Variants in MAP3K20 observed in about 807,000 individuals in gnomAD.
MAP3K20 encodes the protein mitogen-activated protein kinase kinase kinase 20.
Under a neutral mutation model 85.7 loss-of-function variants are expected in MAP3K20, and 40 were observed. The ratio of observed to expected loss-of-function variants is 0.47; its 90% CI spans 0.36 to 0.61. The LOEUF is 0.61. Among genes scored for constraint, MAP3K20 ranks in the 20% least tolerant of loss-of-function variants. The pLI, the probability that MAP3K20 is intolerant of heterozygous loss-of-function variation, is 0.00. For missense variants in MAP3K20, 817 were observed against 961.7 expected (o/e 0.85, Z 1.99); for synonymous variants, 325 against 327.7 (o/e 0.99, Z 0.09).
At chr2:173,141,439 G>A (rs1456502347) in intron 2 of MAP3K20, among the ~76,000 whole-genome samples, 1 of 152,154 alleles carries the variant, frequency 6.6e-6, no homozygotes. Context: ...AATGTAAATT[G>A]TACTGATGGG....
At position 173,190,932 on chromosome 2, in the gene MAP3K20, A is replaced by C. The variant is rs765991445; in HGVS notation, c.444+9A>C. On this transcript the variant is annotated intron_variant, in intron 6 of 19. Transcript: ENST00000375213. Reference sequence around the variant, plus strand: ...CTGATGGAGTATTGAAGGTAGGACTATTTCTTTTACTTAAAAAAATTGTTA... The same window carrying C: ...CTGATGGAGTATTGAAGGTAGGACTCTTTCTTTTACTTAAAAAAATTGTTA... 1 of 1,604,350 alleles carries C rather than the reference A, an allele frequency of 6.2e-7. No homozygotes were observed. The highest frequency in any genetic ancestry group is 1.1e-5 in the South Asian group (1 of 89,508).
At chr2:173,187,861 T>C (rs1439155345) in intron 5 of MAP3K20, among the ~76,000 whole-genome samples, 1 of 152,220 alleles carries the variant, frequency 6.6e-6, no homozygotes, top group African/African-American at 2.4e-5. Flanking sequence ...ATTGTTTACA[T>C]TTTTTCTCTG....
chr2:173,154,274 C>T (rs1399172081), intron 2 of MAP3K20, among the ~76,000 whole-genome samples: 1 of 152,162 alleles, frequency 6.6e-6, no homozygotes, highest in East Asian at 1.9e-4. Flanking sequence ...ACCTCTGCCT[C>T]CCAGGTTCAA....
intron 16 of MAP3K20, among the ~76,000 whole-genome samples, chr2:173,257,975 A>C (rs769603369): frequency 3.9e-5 from 6 of 152,200 alleles, no homozygotes; most frequent in Non-Finnish European, 7.3e-5. Flanking sequence ...TCGTTTAAAA[A>C]TCTAGAGTTT....
chr2:173,126,403 A>G (rs530262214), intron 2 of MAP3K20, among the ~76,000 whole-genome samples: 2 of 152,046 alleles, frequency 1.3e-5, no homozygotes, highest in African/African-American at 2.4e-5. Flanking sequence ...TTTTTGAGAC[A>G]GAGTCTCACT....
intron 2 of MAP3K20, among the ~76,000 whole-genome samples, chr2:173,098,111 C>T (rs1332205024): frequency 6.6e-6 from 1 of 152,188 alleles, no homozygotes; most frequent in African/African-American, 2.4e-5. Context: ...TGTAAATCCT[C>T]TCAATATTTA....
chr2:173,229,585 C>A, intron 11 of MAP3K20, 104 bp from the exon 12 acceptor site: 1 of 1,502,230 alleles, frequency 6.7e-7, no homozygotes, highest in Non-Finnish European at 9.1e-7. Context: ...AGGAACCAAG[C>A]CAGAGCAGCA....
At chr2:173,233,002 C>T (rs750297041) in intron 14 of MAP3K20, among the ~76,000 whole-genome samples, 3 of 152,186 alleles carry the variant, frequency 2.0e-5, no homozygotes, top group Non-Finnish European at 4.4e-5. Context: ...TAGTAGGACT[C>T]ACAGGGAGAT....
intron 2 of MAP3K20, among the ~76,000 whole-genome samples, chr2:173,154,749 A>G (rs11897681): frequency 6.6e-6 from 1 of 152,032 alleles, no homozygotes; most frequent in African/African-American, 2.4e-5. Flanking sequence ...ACTAAGGACA[A>G]TATCAGAATG....
At chr2:173,225,715 C>G in intron 11 of MAP3K20, 1 of 984,824 alleles carries the variant, frequency 1.0e-6, no homozygotes, top group Non-Finnish European at 1.2e-6. Context: ...AACAAAATTA[C>G]CCAAGTCAAA....
chr2:173,221,269 T>C (rs201188933), intron 11 of MAP3K20: 62 of 1,613,874 alleles, frequency 3.8e-5, no homozygotes, highest in Non-Finnish European at 5.0e-5. Flanking sequence ...GGGAGGGCCA[T>C]GGCATGAACC....
At chr2:173,166,919 T>G (rs1210091648) in intron 2 of MAP3K20, 1 of 148,174 alleles carries the variant, frequency 6.7e-6, no homozygotes, top group Non-Finnish European at 1.5e-5. Context: ...TGTTTTTTTT[T>G]TTTTTTTTTT....
chr2:173,091,353 A>G (rs1052601317), intron 2 of MAP3K20, among the ~76,000 whole-genome samples, 163 bp downstream of exon 2: 7 of 152,102 alleles, frequency 4.6e-5, no homozygotes, highest in Non-Finnish European at 1.0e-4. Context: ...CCATAAATAG[A>G]AATTATTGCA....
chr2:173,218,206 C>A (rs1684133096), intron 11 of MAP3K20, among the ~76,000 whole-genome samples: 1 of 152,168 alleles, frequency 6.6e-6, no homozygotes, highest in African/African-American at 2.4e-5. Context: ...TCTTAATCTT[C>A]ATTAAGCAGC....
chr2:173,160,164 T>C (rs1689605159), intron 2 of MAP3K20: 1 of 152,214 alleles, frequency 6.6e-6, no homozygotes, highest in Non-Finnish European at 1.5e-5. Flanking sequence ...TTTATCCTTC[T>C]TTATTGCCCT....
Position 173,238,355 on chromosome 2 carries a change from A to G in MAP3K20, c.1204-18A>G. ...GTATTACTGGATCATTAATAAAGTC[A>G]TATGATTTTTTTTACAGTCAGCCAT... On this transcript the variant is annotated intron_variant, in intron 14 of 19. Coordinates refer to ENST00000375213, the MANE Select transcript of MAP3K20 (RefSeq NM_016653.3). The G allele has an allele frequency of 6.2e-7, 1 of 1,602,396 alleles. No homozygotes were observed. Among genetic ancestry groups the G allele is most frequent in the Non-Finnish European group, 8.5e-7 (1 of 1,170,534 alleles).
chr2:173,085,930 T>G (rs6741675), intron 1 of MAP3K20, among the ~76,000 whole-genome samples: 47,706 of 150,954 alleles, frequency 0.32, 8,572 homozygotes, highest in Non-Finnish European at 0.41. Flanking sequence ...CAGGTAGCTG[T>G]GATTACAGAT....
At chr2:173,204,863 G>GGAGGCA (rs1683617842) in intron 9 of MAP3K20, among the ~76,000 whole-genome samples, 1 of 152,106 alleles carries the variant, frequency 6.6e-6, no homozygotes, top group Non-Finnish European at 1.5e-5. Context: ...CAGCACTTTG[G>GGAGGCA]GAGGCAGAGG....
At chr2:173,123,052 G>T (rs747268632) in intron 2 of MAP3K20, among the ~76,000 whole-genome samples, 1 of 152,210 alleles carries the variant, frequency 6.6e-6, no homozygotes, top group Non-Finnish European at 1.5e-5. Context: ...ATGTAGTTGA[G>T]GTGGTTGGGT....
Sources: gnomAD v4.1 joint callset for allele counts (sites outside exome capture counted in the v4.1 genomes callset) on GRCh38, gnomAD v4.1.1 for gene constraint, MANE v1.5 for transcripts, NCBI Gene and HGNC (gene_info 2026-07-23, HGNC 2026-07-21) for gene names.